RPA1: variants seen among roughly 807,000 people sequenced by gnomAD.
The protein encoded by RPA1 is replication protein A1.
RPA1 carries 49 observed loss-of-function variants against 83.0 expected under a neutral mutation model. The observed-to-expected ratio is 0.59, with a 90% CI of 0.47 to 0.75. The LOEUF (loss-of-function observed/expected upper bound fraction) is 0.75. RPA1 is among the 30% of genes least tolerant of loss of function. The pLI, the probability that RPA1 is intolerant of heterozygous loss-of-function variation, is 0.00. For synonymous variants in RPA1, 279 were observed against 281.8 expected (o/e 0.99, Z 0.10); for missense variants, 693 against 776.1 (o/e 0.89, Z 1.27).
rs975803429 is a variant in RPA1, at chr17:1,830,137, G to A, written c.33+11G>A. The A allele has an allele frequency of 1.0e-5, 13 of 1,244,786 alleles. No individual in the cohort carries two copies. The African/African-American group carries it at 1.4e-4, about 13-fold the overall frequency. The allele number at this position is 1,244,786 out of a possible 1,614,324, so 77.1% of individuals were successfully genotyped here. On this transcript the variant is annotated intron_variant, in intron 1 of 16. Transcript: ENST00000254719. ...GAGGGGGCCATTGCGGTGAGGAGGTGCCGGGGGCTGGGCCGGCGGTCCGGG... is the reference window on the plus strand; with the variant it reads ...GAGGGGGCCATTGCGGTGAGGAGGTACCGGGGGCTGGGCCGGCGGTCCGGG...
rs1747183492 is a variant in RPA1 at position 1,897,376 on chromosome 17, G to A, written c.*201G>A. Reference sequence around the variant, plus strand: ...CGCTCAGGTGGTTGTGGTGTAGACTGTGTCAGGCCTACGGAGTCAGCCAGT... The same window carrying A: ...CGCTCAGGTGGTTGTGGTGTAGACTATGTCAGGCCTACGGAGTCAGCCAGT... On this transcript the variant is annotated 3_prime_UTR_variant, in exon 17 of 17. Transcript: ENST00000254719. 1.9e-6 allele frequency: 1 copy of A among 532,326 alleles called. No individual in the cohort carries two copies. The allele number at this position is 532,326 out of a possible 1,614,324, so 33.0% of individuals were successfully genotyped here.
rs2270412 is a variant in RPA1, at chr17:1,888,880, G to A, written c.1551+29G>A. On this transcript the variant is annotated intron_variant, in intron 14 of 16. Transcript: ENST00000254719. ...AGTAGCCTCGGTAGATGAGAACCAC[G>A]GTTGTGTTCACGGAGGCCCTCCCGT... The A allele has an allele frequency of 0.2, 326,585 of 1,599,184 alleles. 35,215 individuals are homozygous for A. The highest frequency in any genetic ancestry group is 0.31 in the East Asian group (13,975 of 44,558).
rs1914519372 is a variant in RPA1 at position 1,898,242 on chromosome 17, GCATGAAAA to G, written c.*1070_*1077del. On this transcript the variant is annotated 3_prime_UTR_variant, in exon 17 of 17. Transcript: ENST00000254719. ...GCAGCCCTGAAATGCATCTTTCAAA[GCATGAAAA>G]CACTAAAAACAAAAAGCCATTTTGC... is the stretch of plus-strand genomic sequence containing the variant. The G allele has an allele frequency of 6.6e-6, 1 of 152,190 alleles. No homozygotes were observed. The highest frequency in any genetic ancestry group is 2.4e-5 in the African/African-American group (1 of 41,446). 9.4% of individuals were successfully genotyped at this position (152,190 alleles called of 1,614,324 possible).
rs528078535 is a variant in RPA1, at chr17:1,853,859, T to A, written c.361+670T>A. On this transcript the variant is annotated intron_variant, in intron 5 of 16. Transcript: ENST00000254719. ...AAAGTGTGAAGCATGCAGTCTATACTCCTGTGATAACACTCACTGCACTGG... is the reference window on the plus strand; with the variant it reads ...AAAGTGTGAAGCATGCAGTCTATACACCTGTGATAACACTCACTGCACTGG... Among the ~76,000 whole-genome samples, 32 of 152,350 alleles carry A rather than the reference T, an allele frequency of 2.1e-4. No homozygotes were observed. The East Asian group carries it at 6.0e-3, about 28-fold the overall frequency.
At chr17:1,861,245 G>A (rs942422553) in intron 5 of RPA1, among the ~76,000 whole-genome samples, 2 of 152,108 alleles carry the variant, frequency 1.3e-5, no homozygotes, top group East Asian at 1.9e-4. Context: ...GCTAGACGGC[G>A]ATCTCCCCAG....
chr17:1,857,487 C>G (rs1229083713), intron 5 of RPA1, among the ~76,000 whole-genome samples: 3 of 151,770 alleles, frequency 2.0e-5, no homozygotes, highest in Non-Finnish European at 2.9e-5. Context: ...AACTAGCCCT[C>G]TTTATCTCCC....
chr17:1,849,860 A>G (rs1324271937), intron 4 of RPA1, among the ~76,000 whole-genome samples: 4 of 152,130 alleles, frequency 2.6e-5, no homozygotes, highest in Non-Finnish European at 4.4e-5. Flanking sequence ...ATATGATCAT[A>G]TTTAATGAAC....
chr17:1,878,191 C>T (rs1219413466), intron 8 of RPA1, among the ~76,000 whole-genome samples: 1 of 152,178 alleles, frequency 6.6e-6, no homozygotes, highest in African/African-American at 2.4e-5. Context: ...GCCAAGATTG[C>T]ACCACTGCAC....
At chr17:1,872,303 G>T in intron 5 of RPA1, 131 bp from the exon 6 acceptor site, 1 of 1,378,292 alleles carries the variant, frequency 7.3e-7, no homozygotes, top group South Asian at 1.4e-5. Flanking sequence ...GCCTCAGCAC[G>T]AATTCTAATC....
At chr17:1,890,110 C>G (rs1914149385) in intron 14 of RPA1, among the ~76,000 whole-genome samples, 1 of 151,850 alleles carries the variant, frequency 6.6e-6, no homozygotes. Flanking sequence ...TGACTTGTGC[C>G]TGTAACCCCA....
At chr17:1,863,014 G>A (rs564568111) in intron 5 of RPA1, among the ~76,000 whole-genome samples, 56 of 151,098 alleles carry the variant, frequency 3.7e-4, no homozygotes, top group African/African-American at 1.1e-3. Flanking sequence ...CACCGTGCCC[G>A]GCCAAGATTT....
At chr17:1,852,528 GAAGGCCA>G (rs1438175735) in intron 4 of RPA1, among the ~76,000 whole-genome samples, 1 of 152,224 alleles carries the variant, frequency 6.6e-6, no homozygotes, top group Non-Finnish European at 1.5e-5. Flanking sequence ...AAGAAAACAG[GAAGGCCA>G]GAGGGCAGAG....
chr17:1,844,706 CTG>C lies in RPA1; in HGVS notation c.272+22_272+23del. ...CGGAAGGTATGTGCTGTGTTTTTTT[CTG>C]TCTTATTGTATCGTAGAATGGGAAC... On this transcript the variant is annotated intron_variant, in intron 4 of 16. Transcript: ENST00000254719. The C allele has an allele frequency of 6.3e-7, 1 of 1,579,200 alleles. No individual in the cohort carries two copies. Among genetic ancestry groups the C allele is most frequent in the Non-Finnish European group, 8.7e-7 (1 of 1,150,544 alleles).
chr17:1,878,839 G>A lies in RPA1; in HGVS notation c.691-154G>A, dbSNP rs8069522. Among the ~76,000 whole-genome samples, 1,018 of 152,230 alleles carry A rather than the reference G, an allele frequency of 6.7e-3. 14 individuals carry two copies. Among genetic ancestry groups the A allele is most frequent in the African/African-American group, 0.023 (960 of 41,534 alleles). On this transcript the variant is annotated intron_variant, in intron 8 of 16. Transcript: ENST00000254719. Reference sequence around the variant, plus strand: ...TAAAATGCGGGTTCCTGGGATGTCCGTAGCCCTCTCTGGACCCTGTTTGTG... The same window carrying A: ...TAAAATGCGGGTTCCTGGGATGTCCATAGCCCTCTCTGGACCCTGTTTGTG...
intron 16 of RPA1, among the ~76,000 whole-genome samples, chr17:1,896,520 G>A (rs1914432785): frequency 6.6e-6 from 1 of 152,068 alleles, no homozygotes; most frequent in Non-Finnish European, 1.5e-5. Flanking sequence ...ACAATGTCAG[G>A]GAGTGGGGTG....
At chr17:1,868,811 T>C (rs1913278769) in intron 5 of RPA1, among the ~76,000 whole-genome samples, 1 of 152,254 alleles carries the variant, frequency 6.6e-6, no homozygotes, top group South Asian at 2.1e-4. Context: ...TCAGACATAA[T>C]TCGTGCTTCA....
At chr17:1,885,174 T>C (rs1913946192) in intron 13 of RPA1, among the ~76,000 whole-genome samples, 1 of 152,224 alleles carries the variant, frequency 6.6e-6, no homozygotes, top group African/African-American at 2.4e-5. Context: ...TGTCGTCATT[T>C]CAACAATGCT....
chr17:1,844,575 C>A lies in RPA1; in HGVS notation c.164-3C>A. 1.2e-6 allele frequency: 2 copies of A among 1,611,552 alleles called. No individual in the cohort carries two copies. Among genetic ancestry groups the A allele is most frequent in the South Asian group, 2.2e-5 (2 of 90,440 alleles). ...AGGCTAAAGAAATCTCTGTGGTTTT[C>A]AGCTTTCATGTTGGCGACACAGTTG... On this transcript the variant is annotated splice_region_variant and splice_polypyrimidine_tract_variant and intron_variant, in intron 3 of 16. Coordinates refer to ENST00000254719, the MANE Select transcript of RPA1 (RefSeq NM_002945.5).
chr17:1,851,981 A>G (rs1259063820), intron 4 of RPA1, among the ~76,000 whole-genome samples: 1 of 152,200 alleles, frequency 6.6e-6, no homozygotes, highest in East Asian at 1.9e-4. Flanking sequence ...AACGTGATGA[A>G]TTTGGGTAGA....
Sources: gnomAD v4.1 joint callset for allele counts (sites outside exome capture counted in the v4.1 genomes callset) on GRCh38, gnomAD v4.1.1 for gene constraint, MANE v1.5 for transcripts, NCBI Gene and HGNC (gene_info 2026-07-23, HGNC 2026-07-21) for gene names.